LRP1B: variants seen among roughly 807,000 people sequenced by gnomAD.
LRP1B encodes the protein low-density lipoprotein receptor-related protein 1B.
Under a neutral mutation model 556.6 loss-of-function variants are expected in LRP1B, and 217 were observed. The ratio of observed to expected loss-of-function variants is 0.39; its 90% CI spans 0.35 to 0.44. The LOEUF is 0.44. LRP1B is among the 20% of genes least tolerant of loss of function. LRP1B has a pLI of 1.00. For synonymous variants in LRP1B, 2,047 were observed against 1,865.8 expected (o/e 1.10, Z -2.50); for missense variants, 5,053 against 5,620.8 (o/e 0.90, Z 3.23).
intron 29 of LRP1B, among the ~76,000 whole-genome samples, chr2:140,849,327 G>A (rs965623813): frequency 4.7e-5 from 7 of 149,508 alleles, no homozygotes; most frequent in Admixed American, 2.0e-4. Context: ...AGCCGAGATC[G>A]TGCCACTGCG....
At chr2:140,732,021 TAC>T (rs1452555200) in intron 35 of LRP1B, among the ~76,000 whole-genome samples, 1 of 152,110 alleles carries the variant, frequency 6.6e-6, no homozygotes, top group East Asian at 1.9e-4. Flanking sequence ...TGGCAAGCCA[TAC>T]ACCAAAAGAT....
chr2:141,096,788 ACC>A (rs958307995), intron 7 of LRP1B, among the ~76,000 whole-genome samples: 21 of 152,278 alleles, frequency 1.4e-4, no homozygotes, highest in Admixed American at 1.2e-3. Context: ...ATAACATACT[ACC>A]ATATCTTTAG....
At position 140,231,527 on chromosome 2, in the gene LRP1B, A is replaced by G. The variant is rs921552901; in HGVS notation, c.*1659T>C. On this transcript the variant is annotated 3_prime_UTR_variant, in exon 91 of 91. Coordinates refer to ENST00000389484, the MANE Select transcript of LRP1B (RefSeq NM_018557.3). ...GGCAAAATGACTATATTATAACCAA[A>G]ATGAAAAATACTGTTCAATTTAAAA... The G allele has an allele frequency of 5.3e-5, 8 of 151,796 alleles. No homozygotes were observed. Among genetic ancestry groups the G allele is most frequent in the Admixed American group, 3.3e-4 (5 of 15,116 alleles). The allele number at this position is 151,796 out of a possible 1,614,324, so 9.4% of individuals were successfully genotyped here.
intron 6 of LRP1B, among the ~76,000 whole-genome samples, chr2:141,201,658 AT>A (rs1194592757): frequency 6.6e-6 from 1 of 151,988 alleles, no homozygotes; most frequent in Admixed American, 6.6e-5. Context: ...TTAATTATTC[AT>A]TTTTGTCATA....
At position 140,680,273 on chromosome 2, in the gene LRP1B, T is replaced by A. The variant is rs375416473; in HGVS notation, c.6799+19977A>T. Among the ~76,000 whole-genome samples, 5 of 152,232 alleles carry A rather than the reference T, an allele frequency of 3.3e-5. 1 individual carries two copies. In the East Asian group the frequency reaches 7.8e-4, roughly 24 times the overall value. Reference sequence around the variant, plus strand: ...CCACACGTAGGCATGGAGCTTTAAATGTATACGTGCACCGGAGAAAAACTT... The same window carrying A: ...CCACACGTAGGCATGGAGCTTTAAAAGTATACGTGCACCGGAGAAAAACTT... On this transcript the variant is annotated intron_variant, in intron 41 of 90. Transcript: ENST00000389484.
At chr2:141,557,255 C>T (rs1449364490) in intron 2 of LRP1B, among the ~76,000 whole-genome samples, 1 of 151,588 alleles carries the variant, frequency 6.6e-6, no homozygotes, top group Non-Finnish European at 1.5e-5. Flanking sequence ...CAAACAACAA[C>T]GAAACGAAGA....
At chr2:141,713,050 A>G (rs141820840) in intron 2 of LRP1B, among the ~76,000 whole-genome samples, 6 of 151,724 alleles carry the variant, frequency 4.0e-5, no homozygotes, top group Non-Finnish European at 8.8e-5. Flanking sequence ...ACATGTACAA[A>G]TAAGTCCTAC....
intron 32 of LRP1B, among the ~76,000 whole-genome samples, chr2:140,777,430 GC>G: frequency 6.6e-6 from 1 of 152,204 alleles, no homozygotes; most frequent in Non-Finnish European, 1.5e-5. Context: ...TCAAATCCTG[GC>G]CCCCAGGTCC....
intron 1 of LRP1B, among the ~76,000 whole-genome samples, chr2:142,119,794 T>G (rs1466675478): frequency 1.3e-5 from 2 of 152,124 alleles, no homozygotes; most frequent in African/African-American, 4.8e-5. Context: ...AAGGACTAAA[T>G]AGACCCCAAA....
chr2:141,795,400 G>C (rs968815312), intron 2 of LRP1B, among the ~76,000 whole-genome samples: 1 of 152,010 alleles, frequency 6.6e-6, no homozygotes, highest in African/African-American at 2.4e-5. Flanking sequence ...TTGCACATGC[G>C]TGAGTGTGCA....
intron 79 of LRP1B, among the ~76,000 whole-genome samples, chr2:140,333,279 A>G (rs1680906005): frequency 6.6e-6 from 1 of 152,058 alleles, no homozygotes; most frequent in South Asian, 2.1e-4. Flanking sequence ...ACCTCCATTG[A>G]CAGCCCATCT....
chr2:141,392,429 G>C (rs1377363030), intron 3 of LRP1B, among the ~76,000 whole-genome samples: 1 of 126,202 alleles, frequency 7.9e-6, no homozygotes, highest in Non-Finnish European at 1.6e-5. Context: ...AGTCCTGCCA[G>C]TATGTTTCCA....
intron 41 of LRP1B, among the ~76,000 whole-genome samples, chr2:140,657,291 T>C (rs891141834): frequency 3.3e-5 from 5 of 151,994 alleles, no homozygotes; most frequent in African/African-American, 1.2e-4. Flanking sequence ...GTAGAAAACA[T>C]GCTTTTCCAT....
At chr2:140,852,682 T>C (rs1235304661) in intron 27 of LRP1B, among the ~76,000 whole-genome samples, 4 of 152,226 alleles carry the variant, frequency 2.6e-5, no homozygotes, top group Non-Finnish European at 5.9e-5. Context: ...GGCTAAGGAT[T>C]GCTCCACATG....
chr2:140,241,509 G>C (rs1433866206), intron 87 of LRP1B, among the ~76,000 whole-genome samples: 1 of 150,710 alleles, frequency 6.6e-6, no homozygotes, highest in African/African-American at 2.4e-5. Flanking sequence ...ACATTCCTAT[G>C]AGGTAGGAAG....
intron 32 of LRP1B, among the ~76,000 whole-genome samples, chr2:140,793,086 T>C (rs1188774313): frequency 6.6e-6 from 1 of 152,008 alleles, no homozygotes; most frequent in Non-Finnish European, 1.5e-5. Context: ...AAATTAAAAG[T>C]GAAAGGCAGT....
chr2:140,294,850 A>G (rs1471307878), intron 84 of LRP1B, among the ~76,000 whole-genome samples: 1 of 152,070 alleles, frequency 6.6e-6, no homozygotes. Context: ...TGTGAGCAAT[A>G]CATGAGAAAG....
chr2:141,611,959 C>G (rs1460627889), intron 2 of LRP1B, among the ~76,000 whole-genome samples: 1 of 152,140 alleles, frequency 6.6e-6, no homozygotes, highest in East Asian at 1.9e-4. Flanking sequence ...TTAATGATTC[C>G]TTCTTTCAAA....
Position 140,384,324 on chromosome 2 carries a change from A to G in LRP1B, c.10531+1569T>C, listed in dbSNP as rs577181046. Among the ~76,000 whole-genome samples, 4 of 152,262 alleles carry G rather than the reference A, an allele frequency of 2.6e-5. No homozygotes were observed. In the South Asian group the frequency reaches 8.3e-4, roughly 32 times the overall value. ...TGTTTCATAAATAAGCAGAAAGTAT[A>G]TGCATAATTGTGGGATTTTTTATAT... On this transcript the variant is annotated intron_variant, in intron 67 of 90. Transcript: ENST00000389484.
Sources: allele counts gnomAD v4.1 joint callset (sites outside exome capture counted in the v4.1 genomes callset), GRCh38; gene constraint gnomAD v4.1.1; transcripts MANE v1.5; gene names NCBI Gene and HGNC (gene_info 2026-07-23, HGNC 2026-07-21).